Variants in LACC1 observed in about 807,000 individuals in gnomAD.
The protein encoded by LACC1 is purine nucleoside phosphorylase LACC1.
Under a neutral mutation model 34.8 loss-of-function variants are expected in LACC1, and 25 were observed. The observed-to-expected ratio is 0.72, with a 90% CI of 0.52 to 1.00. The LOEUF (loss-of-function observed/expected upper bound fraction) is 1.00. LACC1 is among the 50% of genes least tolerant of loss of function. LACC1 has a pLI of 0.00. For synonymous variants in LACC1, 162 were observed against 168.0 expected, an observed-to-expected ratio of 0.96 and a Z score of 0.28; for missense variants, 426 against 511.2, an observed-to-expected ratio of 0.83 and a Z score of 1.61.
chr13:43,883,436 C>T (rs1955169139), intron 3 of LACC1, among the ~76,000 whole-genome samples: 1 of 152,096 alleles, frequency 6.6e-6, no homozygotes, highest in African/African-American at 2.4e-5. Context: ...ATTAACTTTC[C>T]TTTACAAGAA....
rs572537658 is a variant in LACC1, at chr13:43,888,996, C to T, written c.1133+14C>T. Reference sequence around the variant, plus strand: ...TAAAGCCACAAGGTATGTCTGATTTCATTCAACTGCAAGTTTGATTATTTC... The same window carrying T: ...TAAAGCCACAAGGTATGTCTGATTTTATTCAACTGCAAGTTTGATTATTTC... On this transcript the variant is annotated intron_variant, in intron 5 of 6. Coordinates refer to ENST00000325686, the MANE Select transcript of LACC1 (RefSeq NM_153218.4). 32 of 1,555,486 alleles carry T rather than the reference C, an allele frequency of 2.1e-5. No individual in the cohort carries two copies. The highest frequency in any genetic ancestry group is 1.7e-4 in the Middle Eastern group (1 of 5,972).
intron 4 of LACC1, among the ~76,000 whole-genome samples, chr13:43,885,791 C>T (rs1045952988): frequency 1.3e-5 from 2 of 152,008 alleles, no homozygotes; most frequent in African/African-American, 4.8e-5. Flanking sequence ...TTCTGCACAG[C>T]AAAAGAAACT....
chr13:43,883,982 T>C (rs751528032), intron 4 of LACC1, 46 bp downstream of exon 4: 63 of 1,533,268 alleles, frequency 4.1e-5, no homozygotes, highest in Non-Finnish European at 5.4e-5. Flanking sequence ...CATTTTGTTG[T>C]GCAGGAAAAA....
At chr13:43,882,464 T>G in intron 3 of LACC1, 101 bp downstream of exon 3, 1 of 803,116 alleles carries the variant, frequency 1.2e-6, no homozygotes, top group South Asian at 1.9e-5. Flanking sequence ...TCTGCTTTTT[T>G]ATCTAAAGTT....
chr13:43,888,365 A>T (rs61959998), intron 4 of LACC1, among the ~76,000 whole-genome samples: 30,374 of 152,072 alleles, frequency 0.2, 3,120 homozygotes, highest in African/African-American at 0.25. Context: ...AATTCTGGAG[A>T]TTGGTTATAC....
Position 43,886,086 on chromosome 13 carries a change from T to TA in LACC1, c.907+2157dup, listed in dbSNP as rs557877345. ...TTCATACCAGTCAGAATGGCTGTTA[T>TA]AAAAAAAGTCAAAAAACAACAGATG... On this transcript the variant is annotated intron_variant, in intron 4 of 6. Coordinates refer to ENST00000325686, the MANE Select transcript of LACC1 (RefSeq NM_153218.4). 2.0e-4 allele frequency among the ~76,000 whole-genome samples: 30 copies of TA among 152,172 alleles called. No homozygotes were observed. The East Asian group carries it at 3.1e-3, about 16-fold the overall frequency.
chr13:43,890,392 A>G, intron 6 of LACC1, 118 bp downstream of exon 6: 1 of 807,256 alleles, frequency 1.2e-6, no homozygotes, highest in Non-Finnish European at 1.8e-6. Flanking sequence ...TTAAAAAAAA[A>G]AAGTTAATTA....
chr13:43,888,694 T>C, intron 4 of LACC1, 63 bp from the exon 5 acceptor site: 1 of 1,296,620 alleles, frequency 7.7e-7, no homozygotes, highest in East Asian at 2.3e-5. Flanking sequence ...AACTTAGACA[T>C]AAATTCAGGT....
At position 43,893,032 on chromosome 13, in the gene LACC1, C is replaced by A. The variant is rs995109772; in HGVS notation, c.*1585C>A. The A allele has an allele frequency of 2.0e-5, 3 of 152,018 alleles. No individual in the cohort carries two copies. Among genetic ancestry groups the A allele is most frequent in the African/African-American group, 7.3e-5 (3 of 41,366 alleles). The allele number at this position is 152,018 out of a possible 1,614,324, so 9.4% of individuals were successfully genotyped here. On this transcript the variant is annotated 3_prime_UTR_variant, in exon 7 of 7. Transcript: ENST00000325686. ...AAGGAAGGGACTTTTTTTGGATGAG[C>A]AGTTTTGAGTGTGTTTGTCAGTTAA...
At position 43,890,287 on chromosome 13, in the gene LACC1, T is replaced by C; in HGVS notation, c.*1+13T>C. On this transcript the variant is annotated intron_variant, in intron 6 of 6. Transcript: ENST00000325686. ...ATTAAAGAATGAGGTACAGTAGGTTTTCTCTCCTCTCTCCGTTTTTCCTCT... is the reference window on the plus strand; with the variant it reads ...ATTAAAGAATGAGGTACAGTAGGTTCTCTCTCCTCTCTCCGTTTTTCCTCT... The C allele has an allele frequency of 1.2e-6, 2 of 1,603,284 alleles. No homozygotes were observed. Among genetic ancestry groups the C allele is most frequent in the Non-Finnish European group, 1.7e-6 (2 of 1,173,688 alleles).
intron 2 of LACC1, among the ~76,000 whole-genome samples, chr13:43,881,956 A>T (rs1955086696): frequency 3.9e-5 from 6 of 152,228 alleles, no homozygotes; most frequent in Admixed American, 3.9e-4. Flanking sequence ...ATGCTATTAG[A>T]TATAACAAAG....
chr13:43,881,382 G>T lies in LACC1; in HGVS notation c.397G>T (p.Asp133Tyr). 1 of 1,614,102 alleles carries T rather than the reference G, an allele frequency of 6.2e-7. No homozygotes were observed. The highest frequency in any genetic ancestry group is 8.5e-7 in the Non-Finnish European group (1 of 1,180,020). The change falls in exon 2 of 7, where the codon GAT becomes TAT. Residue 133 changes from aspartate (D) to tyrosine (Y), a missense_variant. Transcript: ENST00000325686. ...FTDVYNFEFE[D>Y]LQVTFRGGLF... ...TGATGTTTACAATTTTGAATTTGAAGATTTGCAAGTGACTTTTAGGGGAGG... is the reference window on the plus strand; with the variant it reads ...TGATGTTTACAATTTTGAATTTGAATATTTGCAAGTGACTTTTAGGGGAGG...
intron 4 of LACC1, among the ~76,000 whole-genome samples, chr13:43,885,590 A>G (rs983956815): frequency 1.3e-5 from 2 of 152,292 alleles, no homozygotes; most frequent in Non-Finnish European, 2.9e-5. Flanking sequence ...TCCTTTCACC[A>G]TATACAAAAA....
chr13:43,887,931 GA>G (rs1594897408), intron 4 of LACC1, among the ~76,000 whole-genome samples: 1 of 152,216 alleles, frequency 6.6e-6, no homozygotes, highest in East Asian at 1.9e-4. Flanking sequence ...ATATAATCCA[GA>G]AATTCCTCTT....
In LACC1 at chr13:43,880,933, C is replaced by A; in HGVS notation, c.-34-19C>A. The A allele has an allele frequency of 7.1e-7, 1 of 1,413,204 alleles. No individual in the cohort carries two copies. The highest frequency in any genetic ancestry group is 2.1e-5 in the Admixed American group (1 of 47,742). The allele number at this position is 1,413,204 out of a possible 1,614,324, so 87.5% of individuals were successfully genotyped here. ...AGATTTATATAATCTTATATTCTTA[C>A]ACTAATTTTTATTTGCAGGTGATTT... On this transcript the variant is annotated intron_variant, in intron 1 of 6. Transcript: ENST00000325686.
At position 43,892,552 on chromosome 13, in the gene LACC1, T is replaced by C. The variant is rs1955608686; in HGVS notation, c.*1105T>C. 1 of 152,032 alleles carries C rather than the reference T, an allele frequency of 6.6e-6. No individual in the cohort carries two copies. The highest frequency in any genetic ancestry group is 1.5e-5 in the Non-Finnish European group (1 of 67,976). 9.4% of individuals were successfully genotyped at this position (152,032 alleles called of 1,614,324 possible). ...GAAGGATAATGAGTTTGACTTTACA[T>C]AGAATGAAGGGCATCCAGATAGAAA... is the stretch of plus-strand genomic sequence containing the variant. On this transcript the variant is annotated 3_prime_UTR_variant, in exon 7 of 7. Transcript: ENST00000325686.
chr13:43,887,417 A>C (rs976442731), intron 4 of LACC1, among the ~76,000 whole-genome samples: 3 of 152,144 alleles, frequency 2.0e-5, no homozygotes, highest in African/African-American at 4.8e-5. Flanking sequence ...TCAAACCCAG[A>C]TATAGGGAAT....
chr13:43,880,868 C>A lies in LACC1; in HGVS notation c.-34-84C>A, dbSNP rs1434371578. 4 of 876,246 alleles carry A rather than the reference C, an allele frequency of 4.6e-6. No individual in the cohort carries two copies. In the African/African-American group the frequency reaches 5.1e-5, roughly 11 times the overall value. 54.3% of individuals were successfully genotyped at this position (876,246 alleles called of 1,614,324 possible). A position where few individuals can be genotyped will look rare whatever the true frequency, so the allele number is the denominator to read the frequency against. ...TTACATTTTAAAATCAGTGTAATTA[C>A]TTCGTTTTTAATCTACCACAAATTT... On this transcript the variant is annotated intron_variant, in intron 1 of 6. Transcript: ENST00000325686.
rs544405484 is a variant in LACC1 at position 43,892,576 on chromosome 13, A to T, written c.*1129A>T. ...ATAGAATGAAGGGCATCCAGATAGA[A>T]ATCTTTGGTTAATAATTAGAAATAT... On this transcript the variant is annotated 3_prime_UTR_variant, in exon 7 of 7. Coordinates refer to ENST00000325686, the MANE Select transcript of LACC1 (RefSeq NM_153218.4). The T allele has an allele frequency of 6.6e-6, 1 of 152,214 alleles. No homozygotes were observed. Among genetic ancestry groups the T allele is most frequent in the Middle Eastern group, 3.4e-3 (1 of 292 alleles). 9.4% of individuals were successfully genotyped at this position (152,214 alleles called of 1,614,324 possible). A position where few individuals can be genotyped will look rare whatever the true frequency, so the allele number is the denominator to read the frequency against.
Sources: gnomAD v4.1 joint callset for allele counts (sites outside exome capture counted in the v4.1 genomes callset) on GRCh38, gnomAD v4.1.1 for gene constraint, MANE v1.5 for transcripts, NCBI Gene and HGNC (gene_info 2026-07-23, HGNC 2026-07-21) for gene names.